The following ZNF185 variants were observed in gnomAD, a reference collection of about 807,000 sequenced individuals.
The protein encoded by ZNF185 is zinc finger protein 185 with LIM domain, also known as zinc finger protein 185.
In ZNF185, 56 loss-of-function variants were observed where a neutral mutation model predicts 58.6. The ratio of observed to expected loss-of-function variants is 0.95; its 90% confidence interval spans 0.77 to 1.19. The LOEUF (loss-of-function observed/expected upper bound fraction) is 1.19. Ranked by LOEUF, ZNF185 falls within the 50% of genes most tolerant of loss-of-function variation. The pLI is 0.00. For missense variants in ZNF185, 627 were observed against 573.5 expected, an observed-to-expected ratio of 1.09 and a Z score of -0.95; for synonymous variants, 230 against 215.9, an observed-to-expected ratio of 1.07 and a Z score of -0.57.
chrX:152,905,189 C>T, the ZNF185 span, among the ~76,000 whole-genome samples: 1 of 113,021 alleles, frequency 8.8e-6, no homozygotes, highest in Non-Finnish European at 1.9e-5. Flanking sequence ...TGGCTCTGCG[C>T]CGGGGCCTCC....
chrX:152,953,791 G>A (rs1039710619), intron 16 of ZNF185, among the ~76,000 whole-genome samples: 1 of 111,998 alleles, frequency 8.9e-6, no homozygotes, highest in Non-Finnish European at 1.9e-5. Context: ...CACCCAGGCT[G>A]GAGTGTAGGT....
At position 152,938,008 on chromosome X, in the gene ZNF185, G is replaced by T; in HGVS notation, c.1122-66G>T. The stretch of plus-strand genomic sequence containing the variant: ...TTTCTGGTGAGAAGGCAGCCTGGAG[G>T]GGGAAGACCTGGGCCCCAGCCTTCT... On this transcript the variant is annotated intron_variant, in intron 14 of 22. Coordinates refer to ENST00000449285, the Ensembl canonical transcript of ZNF185. The T allele has an allele frequency of 2.8e-6, 3 of 1,060,026 alleles. No homozygotes were observed. The East Asian group carries it at 9.9e-5, about 35-fold the overall frequency. 87.4% of individuals were successfully genotyped at this position (1,060,026 alleles called of 1,213,427 possible).
At chrX:152,966,215 C>T (rs2050100403) in intron 19 of ZNF185, among the ~76,000 whole-genome samples, 2 of 110,397 alleles carry the variant, frequency 1.8e-5, no homozygotes, top group African/African-American at 6.6e-5. Context: ...CCATGTTGGC[C>T]AGGCTGGTCT....
exon 9 of ZNF185, chrX:152,920,725 A>G (rs1556869084): frequency 2.5e-6 from 3 of 1,210,751 alleles, no homozygotes; most frequent in African/African-American, 1.7e-5. Flanking sequence ...CCCAGGAGAC[A>G]CAGGCACCGT....
At chrX:152,908,882 C>T in the ZNF185 span, among the ~76,000 whole-genome samples, 6 of 113,530 alleles carry the variant, frequency 5.3e-5, no homozygotes, top group African/African-American at 1.9e-4. Context: ...GTACTGCTGG[C>T]CTTCTGAGAC....
At chrX:152,904,119 C>T in the ZNF185 span, among the ~76,000 whole-genome samples, 2 of 112,365 alleles carry the variant, frequency 1.8e-5, no homozygotes, top group Non-Finnish European at 3.8e-5. Flanking sequence ...ACTTGCTGAG[C>T]CTTTTTCCTG....
chrX:152,959,949 C>A, intron 17 of ZNF185, 53 bp downstream of exon 19: 1 of 1,131,077 alleles, frequency 8.8e-7, no homozygotes, highest in Non-Finnish European at 1.2e-6. Context: ...TGTTTTTGTC[C>A]AGGGCAGCAA....
At chrX:152,938,218 C>T (rs1315567521) in intron 15 of ZNF185, 55 bp downstream of exon 17, 1 of 1,105,002 alleles carries the variant, frequency 9.0e-7, no homozygotes, top group Non-Finnish European at 1.2e-6. Context: ...GCAGCTTGGG[C>T]TGTGTGTCCA....
intron 16 of ZNF185, among the ~76,000 whole-genome samples, chrX:152,958,574 G>A (rs2125896459): frequency 9.1e-6 from 1 of 110,438 alleles, no homozygotes; most frequent in South Asian, 3.9e-4. Context: ...TGGCCAACAA[G>A]GTGAAGCCCC....
chrX:152,952,929 G>A (rs782647305), intron 16 of ZNF185, among the ~76,000 whole-genome samples: 135 of 108,966 alleles, frequency 1.2e-3, no homozygotes, highest in Non-Finnish European at 1.9e-3. Context: ...GGAGGATGAG[G>A]AGGAGGAAGG....
intron 16 of ZNF185, among the ~76,000 whole-genome samples, chrX:152,958,751 C>T (rs2125899414): frequency 9.2e-6 from 1 of 109,072 alleles, no homozygotes; most frequent in East Asian, 2.9e-4. Context: ...AAAAGGGGGG[C>T]AGGGGATGAA....
chrX:152,927,958 C>A (rs1277237247), intron 11 of ZNF185, among the ~76,000 whole-genome samples: 4 of 112,774 alleles, frequency 3.5e-5, no homozygotes, highest in Non-Finnish European at 7.5e-5. Context: ...CTGGCCACAC[C>A]ATGGCCAAGC....
the ZNF185 span, among the ~76,000 whole-genome samples, chrX:152,908,599 G>A: frequency 8.9e-5 from 10 of 112,666 alleles, no homozygotes; most frequent in Non-Finnish European, 1.5e-4. Flanking sequence ...CAGGCACGGT[G>A]CAGCTGGGTG....
At chrX:152,916,265 C>G (rs1556865683) in intron 3 of ZNF185, among the ~76,000 whole-genome samples, 1 of 111,300 alleles carries the variant, frequency 9.0e-6, no homozygotes, top group African/African-American at 3.3e-5. Flanking sequence ...TGCTCCAGCC[C>G]ACATCCCCTC....
At chrX:152,938,893 AGGCGATCTCCT>A (rs2046757988) in intron 15 of ZNF185, among the ~76,000 whole-genome samples, 1 of 85,989 alleles carries the variant, frequency 1.2e-5, no homozygotes, top group African/African-American at 5.6e-5. Context: ...AAGGCAACTC[AGGCGATCTCCT>A]CTAAAGAGGA....
At chrX:152,935,471 C>T (rs1004800772) in intron 14 of ZNF185, among the ~76,000 whole-genome samples, 15 of 107,782 alleles carry the variant, frequency 1.4e-4, no homozygotes, top group African/African-American at 2.7e-4. Context: ...CTCCTGAACT[C>T]GTGATCCACC....
intron 9 of ZNF185, 93 bp from the exon 11 acceptor site, chrX:152,922,080 C>A: frequency 1.4e-5 from 13 of 938,460 alleles, no homozygotes; most frequent in South Asian, 2.2e-5. Flanking sequence ...AGGGTTGGGT[C>A]AGTTAGACGC....
At chrX:152,930,220 GA>G (rs1941690836) in intron 12 of ZNF185, among the ~76,000 whole-genome samples, 1 of 111,985 alleles carries the variant, frequency 8.9e-6, no homozygotes, top group South Asian at 3.8e-4. Flanking sequence ...GGAGCAGGGG[GA>G]CAGAGAGGGG....
intron 15 of ZNF185, among the ~76,000 whole-genome samples, chrX:152,945,049 G>T (rs782314822): frequency 4.5e-5 from 5 of 112,359 alleles, no homozygotes; most frequent in East Asian, 2.8e-4. Flanking sequence ...ACACATGGAG[G>T]CCTGTTCAGT....
Sources: gnomAD v4.1 joint callset for allele counts (sites outside exome capture counted in the v4.1 genomes callset) on GRCh38, gnomAD v4.1.1 for gene constraint, MANE v1.5 for transcripts, NCBI Gene and HGNC (gene_info 2026-07-23, HGNC 2026-07-21) for gene names.